The following MACF1 variants were observed in gnomAD, a reference collection of about 807,000 sequenced individuals.
The protein encoded by MACF1 is microtubule-actin cross-linking factor 1.
Under a neutral mutation model 854.8 loss-of-function variants are expected in MACF1, and 193 were observed. The observed-to-expected ratio is 0.23, with a 90% CI of 0.20 to 0.25. The LOEUF is 0.25. Among genes scored for constraint, MACF1 ranks in the 10% least tolerant of loss-of-function variants. The pLI, the probability that MACF1 is intolerant of heterozygous loss-of-function variation, is 1.00. For synonymous variants in MACF1, 3,185 were observed against 3,226.7 expected (o/e 0.99, Z 0.44); for missense variants, 7,722 against 8,929.1 (o/e 0.86, Z 5.45).
chr1:39,438,801 G>C (rs751058614), intron 71 of MACF1, among the ~76,000 whole-genome samples: 3 of 148,716 alleles, frequency 2.0e-5, no homozygotes, highest in Non-Finnish European at 4.5e-5. Context: ...ATAAATAATA[G>C]GCCGGGTGTG....
At chr1:39,300,711 C>T (rs530230680) in intron 22 of MACF1, among the ~76,000 whole-genome samples, 2 of 152,230 alleles carry the variant, frequency 1.3e-5, no homozygotes, top group African/African-American at 4.8e-5. Context: ...TTGTAAATAT[C>T]CCTTAAACGT....
chr1:39,316,555 G>A, intron 28 of MACF1, 26 bp downstream of exon 28: 4 of 1,602,124 alleles, frequency 2.5e-6, no homozygotes, highest in Non-Finnish European at 3.4e-6. Flanking sequence ...TTTCTTAGGA[G>A]GTTGACCTAA....
intron 2 of MACF1, among the ~76,000 whole-genome samples, chr1:39,194,936 C>T (rs1424660746): frequency 1.3e-5 from 2 of 152,104 alleles, no homozygotes; most frequent in Non-Finnish European, 2.9e-5. Flanking sequence ...TCAGGCAGTC[C>T]TCCTGCCTCA....
Position 39,452,768 on chromosome 1 carries a change from C to G in MACF1, c.20698C>G (p.Pro6900Ala). Residue 6900 changes from proline to alanine, a missense_variant, in exon 87 of 101, where the codon CCT (proline) becomes GCT (alanine). By Grantham distance (27) the Pro-to-Ala change is conservative. Transcript: ENST00000564288. ...AACGCTTCGCTTTCGGGGAGCACTT[C>G]CTGATGACACAGAGGCCCTGCAGTC... ...EQTLRFRGAL[P>A]DDTEALQSLI... 2 of 1,614,140 alleles carry G rather than the reference C, an allele frequency of 1.2e-6. No individual in the cohort carries two copies. The highest frequency in any genetic ancestry group is 8.5e-7 in the Non-Finnish European group (1 of 1,180,018).
chr1:39,331,664 T>C lies in MACF1; in HGVS notation c.5076T>C (p.Tyr1692=), dbSNP rs1283228323. 1.9e-5 allele frequency: 30 copies of C among 1,614,052 alleles called. No homozygotes were observed. Among genetic ancestry groups the C allele is most frequent in the Non-Finnish European group, 2.5e-5 (29 of 1,180,028 alleles). The change falls in exon 37 of 101, where the codon TAT becomes TAC. Residue 1692 remains tyrosine (Y), a synonymous_variant. Transcript: ENST00000564288. ...SAWLHSVLES[Y]LRTSKNLIDP... is the part of the protein sequence containing the mutation. ...GGCTTCATTCAGTATTAGAGTCTTA[T>C]CTTAGAACATCCAAGAATTTGATAG...
intron 2 of MACF1, among the ~76,000 whole-genome samples, chr1:39,187,884 C>CTCTCTCTCTCTCTG (rs1644195392): frequency 5.0e-5 from 1 of 20,120 alleles, no homozygotes; most frequent in African/African-American, 1.1e-4. Context: ...CTCTCTCTGT[C>CTCTCTCTCTCTCTG]TCTCTCTCTC....
At chr1:39,393,506 C>T (rs1054263397) in intron 58 of MACF1, among the ~76,000 whole-genome samples, 3 of 151,854 alleles carry the variant, frequency 2.0e-5, no homozygotes, top group African/African-American at 4.8e-5. Context: ...TTCTACCTCT[C>T]AGTGATAAAA....
At chr1:39,129,743 T>C (rs1377632327) in intron 2 of MACF1, among the ~76,000 whole-genome samples, 5 of 152,212 alleles carry the variant, frequency 3.3e-5, no homozygotes, top group Admixed American at 6.5e-5. Context: ...TGCCCCATCT[T>C]ATTTTTCTCC....
chr1:39,155,997 C>G (rs1243742579), intron 2 of MACF1, among the ~76,000 whole-genome samples: 2 of 152,152 alleles, frequency 1.3e-5, no homozygotes, highest in East Asian at 3.9e-4. Flanking sequence ...ACACCATTCT[C>G]CTGCCTCAGC....
At chr1:39,183,150 T>C in intron 2 of MACF1, among the ~76,000 whole-genome samples, 1 of 152,094 alleles carries the variant, frequency 6.6e-6, no homozygotes, top group Non-Finnish European at 1.5e-5. Flanking sequence ...AATAGGCAAA[T>C]CCATAGAGAC....
At position 39,315,579 on chromosome 1, in the gene MACF1, T is replaced by C; in HGVS notation, c.3337T>C (p.Phe1113Leu). 1 of 1,614,178 alleles carries C rather than the reference T, an allele frequency of 6.2e-7. No homozygotes were observed. The highest frequency in any genetic ancestry group is 8.5e-7 in the Non-Finnish European group (1 of 1,180,020). ...TGCAGTTTCTATGAAATGTGACAGC[T>C]TTCTCCATCAGTCTCCATCTAGTTC... ...LDAVSMKCDSFLHQSPSSSSV... is the reference protein window; with the variant it reads ...LDAVSMKCDSLLHQSPSSSSV... The change falls in exon 27 of 101, where the codon TTT (phenylalanine) becomes CTT (leucine). Residue 1113 changes from phenylalanine to leucine, a missense_variant. By Grantham distance (22) the Phe-to-Leu change is conservative. Transcript: ENST00000564288.
intron 2 of MACF1, among the ~76,000 whole-genome samples, chr1:39,137,505 A>G (rs1416593155): frequency 6.6e-6 from 1 of 152,208 alleles, no homozygotes; most frequent in African/African-American, 2.4e-5. Flanking sequence ...ATCTGAGACT[A>G]CAGGCATGTG....
intron 27 of MACF1, 62 bp downstream of exon 27, chr1:39,315,753 G>A: frequency 6.7e-6 from 10 of 1,499,008 alleles, no homozygotes; most frequent in Non-Finnish European, 9.2e-6. Flanking sequence ...GAAAGAGAAA[G>A]GCTTAAAGTA....
intron 1 of MACF1, among the ~76,000 whole-genome samples, chr1:39,229,805 C>T (rs959695529): frequency 6.6e-6 from 1 of 152,082 alleles, no homozygotes; most frequent in African/African-American, 2.4e-5. Flanking sequence ...GGTGTAATCA[C>T]GGCTCACTGC....
At chr1:39,362,002 G>A (rs1024300223) in intron 49 of MACF1, among the ~76,000 whole-genome samples, 1 of 152,134 alleles carries the variant, frequency 6.6e-6, no homozygotes, top group South Asian at 2.1e-4. Context: ...TGGTAAAAGG[G>A]CATATTATAT....
At chr1:39,274,379 T>G (rs1309587314) in intron 6 of MACF1, among the ~76,000 whole-genome samples, 1 of 152,186 alleles carries the variant, frequency 6.6e-6, no homozygotes, top group Non-Finnish European at 1.5e-5. Flanking sequence ...GTCTGGGGAT[T>G]CAACCCATAA....
At position 39,333,302 on chromosome 1, in the gene MACF1, T is replaced by G; in HGVS notation, c.6714T>G (p.Asp2238Glu). 1 of 1,614,140 alleles carries G rather than the reference T, an allele frequency of 6.2e-7. No individual in the cohort carries two copies. Among genetic ancestry groups the G allele is most frequent in the Non-Finnish European group, 8.5e-7 (1 of 1,180,042 alleles). Residue 2238 changes from aspartate (D) to glutamate (E), a missense_variant, in exon 37 of 101, where the codon GAT becomes GAG. Transcript: ENST00000564288. ...EMLKKTFLAK[D>E]DHKESQEAQN... ...TAAAGAAAACATTTCTGGCTAAGGA[T>G]GACCATAAAGAAAGTCAAGAAGCAC...
chr1:39,400,086 A>G (rs1229038557), intron 58 of MACF1, among the ~76,000 whole-genome samples: 2 of 152,196 alleles, frequency 1.3e-5, no homozygotes, highest in Non-Finnish European at 2.9e-5. Context: ...AAGGGAACAC[A>G]ATCTTTTTTC....
intron 51 of MACF1, 111 bp from the exon 52 acceptor site, chr1:39,372,368 A>AT: frequency 4.8e-6 from 3 of 626,562 alleles, no homozygotes; most frequent in Non-Finnish European, 8.6e-6. Context: ...AATCAGAAGG[A>AT]TGGTCTCTTA....
Sources: allele counts gnomAD v4.1 joint callset (sites outside exome capture counted in the v4.1 genomes callset), GRCh38; gene constraint gnomAD v4.1.1; transcripts MANE v1.5; gene names NCBI Gene and HGNC (gene_info 2026-07-23, HGNC 2026-07-21).